SEMA6A: variants seen among roughly 807,000 people sequenced by gnomAD.
The protein encoded by SEMA6A is semaphorin-6A.
SEMA6A carries 25 observed loss-of-function variants against 96.8 expected under a neutral mutation model. The ratio of observed to expected loss-of-function variants is 0.26; its 90% CI spans 0.19 to 0.36. SEMA6A has a LOEUF of 0.36. SEMA6A is among the 10% of genes least tolerant of loss of function. The probability of loss-of-function intolerance (pLI) is 1.00; values close to 1 mark genes in which losing one functional copy is unlikely to be tolerated. For missense variants in SEMA6A, 1,363 were observed against 1,323.1 expected (o/e 1.03, Z -0.47); for synonymous variants, 612 against 518.0 (o/e 1.18, Z -2.46).
At chr5:116,520,871 A>G (rs1257145072) in intron 1 of SEMA6A, among the ~76,000 whole-genome samples, 4 of 152,138 alleles carry the variant, frequency 2.6e-5, no homozygotes, top group Non-Finnish European at 5.9e-5. Flanking sequence ...GTAGTGAGGA[A>G]GTACTGTTCA....
chr5:116,511,610 C>A (rs1380815886), intron 1 of SEMA6A, among the ~76,000 whole-genome samples: 1 of 152,178 alleles, frequency 6.6e-6, no homozygotes, highest in East Asian at 1.9e-4. Flanking sequence ...GGCTGAAAGT[C>A]CCTAATGGCT....
chr5:116,505,017 T>A, intron 1 of SEMA6A, 35 bp from the exon 2 acceptor site: 3 of 1,027,058 alleles, frequency 2.9e-6, no homozygotes, highest in Non-Finnish European at 4.4e-6. Flanking sequence ...TTTTTCCAAG[T>A]CAGCTTTGTT....
At chr5:116,503,575 G>T (rs1757998118) in intron 2 of SEMA6A, among the ~76,000 whole-genome samples, 1 of 147,560 alleles carries the variant, frequency 6.8e-6, no homozygotes, top group Non-Finnish European at 1.5e-5. Context: ...GCAGTGGTGT[G>T]ATCTCGGCTT....
At chr5:116,469,839 A>T (rs1276978663) in intron 17 of SEMA6A, among the ~76,000 whole-genome samples, 1 of 152,236 alleles carries the variant, frequency 6.6e-6, no homozygotes, top group East Asian at 1.9e-4. Context: ...TGGCTATGAG[A>T]GGAAATTAAT....
chr5:116,467,991 C>T, intron 17 of SEMA6A: 1 of 482,728 alleles, frequency 2.1e-6, no homozygotes, highest in South Asian at 2.9e-5. Flanking sequence ...CTCATACTTG[C>T]TGGGTGGGCC....
At chr5:116,538,480 G>A (rs1759822947) in intron 1 of SEMA6A, among the ~76,000 whole-genome samples, 1 of 152,230 alleles carries the variant, frequency 6.6e-6, no homozygotes. Context: ...TCAGTGTGCT[G>A]GGATAATGAA....
chr5:116,523,765 T>C (rs1212025445), intron 1 of SEMA6A, among the ~76,000 whole-genome samples: 1 of 152,194 alleles, frequency 6.6e-6, no homozygotes, highest in Non-Finnish European at 1.5e-5. Flanking sequence ...CTTAAGTGGC[T>C]TGGGTGTGAC....
intron 1 of SEMA6A, among the ~76,000 whole-genome samples, chr5:116,554,029 G>A (rs1391224074): frequency 6.6e-6 from 1 of 152,110 alleles, no homozygotes; most frequent in Non-Finnish European, 1.5e-5. Flanking sequence ...ACTTCAATAG[G>A]TAATGATAGG....
Position 116,495,474 on chromosome 5 carries a change from T to G in SEMA6A, c.383A>C (p.Asn128Thr), listed in dbSNP as rs1025257885. The G allele has an allele frequency of 3.1e-6, 5 of 1,608,602 alleles. No individual in the cohort carries two copies. Among genetic ancestry groups the G allele is most frequent in the Non-Finnish European group, 4.2e-6 (5 of 1,177,290 alleles). The change falls in exon 6 of 19, where the codon AAC becomes ACC. Residue 128 changes from asparagine (N) to threonine (T), a missense_variant. Asn to Thr is a moderately conservative substitution (Grantham distance 65, BLOSUM62 0). Around this residue, in one of 2 missense-constraint regions of SEMA6A, gnomAD observed 480 missense variants for 559.5 expected, o/e 0.86. Coordinates refer to ENST00000343348, the MANE Select transcript of SEMA6A (RefSeq NM_020796.5). ...TCCACAGACAAACAATGCATCATCGTTTTTCTTTAGAAGAACTTTAATAAA... is the reference window on the plus strand; with the variant it reads ...TCCACAGACAAACAATGCATCATCGGTTTTCTTTAGAAGAACTTTAATAAA... ...HNFIKVLLKK[N>T]DDALFVCGTN...
At chr5:116,516,148 G>A (rs535040336) in intron 1 of SEMA6A, among the ~76,000 whole-genome samples, 1 of 152,104 alleles carries the variant, frequency 6.6e-6, no homozygotes, top group South Asian at 2.1e-4. Context: ...GCCAAAAATA[G>A]AGTTTCTATT....
At chr5:116,494,433 C>T (rs1037472553) in intron 6 of SEMA6A, among the ~76,000 whole-genome samples, 1 of 152,140 alleles carries the variant, frequency 6.6e-6, no homozygotes, top group African/African-American at 2.4e-5. Flanking sequence ...TGATCCCTGC[C>T]CTTGTAGAGC....
At chr5:116,479,303 T>G (rs188291800) in intron 12 of SEMA6A, among the ~76,000 whole-genome samples, 1 of 152,330 alleles carries the variant, frequency 6.6e-6, no homozygotes, top group East Asian at 1.9e-4. Flanking sequence ...TAAGTCCTAC[T>G]AGCAATTTGC....
Position 116,535,731 on chromosome 5 carries a change from G to A in SEMA6A, c.-38-30749C>T, listed in dbSNP as rs1274640746. Among the ~76,000 whole-genome samples, 3 of 152,182 alleles carry A rather than the reference G, an allele frequency of 2.0e-5. No individual in the cohort carries two copies. The East Asian group carries it at 5.8e-4, about 29-fold the overall frequency. ...CTATTATATAGGTCATGTTATAACT[G>A]CAGGTGTGGAGCTTCTGCTCCAGAG... is the stretch of plus-strand genomic sequence containing the variant. On this transcript the variant is annotated intron_variant, in intron 1 of 18. Transcript: ENST00000343348.
At chr5:116,463,955 C>A (rs1422416521) in intron 18 of SEMA6A, among the ~76,000 whole-genome samples, 1 of 152,144 alleles carries the variant, frequency 6.6e-6, no homozygotes, top group Non-Finnish European at 1.5e-5. Flanking sequence ...ACCTCATAGA[C>A]TTCTTGGAAA....
At chr5:116,532,368 G>A (rs776239110) in intron 1 of SEMA6A, among the ~76,000 whole-genome samples, 8 of 152,202 alleles carry the variant, frequency 5.3e-5, no homozygotes, top group Non-Finnish European at 1.2e-4. Flanking sequence ...AAGTCACTGA[G>A]ATACTTTTAT....
At chr5:116,453,469 T>C (rs1021485372) in intron 18 of SEMA6A, among the ~76,000 whole-genome samples, 2 of 152,228 alleles carry the variant, frequency 1.3e-5, no homozygotes, top group African/African-American at 4.8e-5. Flanking sequence ...AGGTGCTCAG[T>C]AAATATCTTT....
intron 18 of SEMA6A, among the ~76,000 whole-genome samples, chr5:116,457,436 C>A (rs999698343): frequency 6.6e-6 from 1 of 151,992 alleles, no homozygotes; most frequent in Non-Finnish European, 1.5e-5. Flanking sequence ...ATAATGACTG[C>A]CTCTGATTTC....
At chr5:116,525,562 C>T (rs1759183910) in intron 1 of SEMA6A, among the ~76,000 whole-genome samples, 1 of 152,030 alleles carries the variant, frequency 6.6e-6, no homozygotes, top group Non-Finnish European at 1.5e-5. Context: ...TCCAATTTCC[C>T]CCTGTCCTCA....
chr5:116,465,537 T>C (rs1369299205), intron 18 of SEMA6A, among the ~76,000 whole-genome samples: 2 of 152,222 alleles, frequency 1.3e-5, no homozygotes, highest in Non-Finnish European at 2.9e-5. Context: ...ACAGTGATCA[T>C]GTTAAACACC....
Sources: gnomAD v4.1 joint callset for allele counts (sites outside exome capture counted in the v4.1 genomes callset) on GRCh38, gnomAD v4.1.1 for gene constraint, gnomAD v4.1.1 regional missense constraint, MANE v1.5 for transcripts, NCBI Gene and HGNC (gene_info 2026-07-23, HGNC 2026-07-21) for gene names.